Variants in KLHL8 observed in about 807,000 individuals in gnomAD.
KLHL8 encodes the protein kelch like family member 8.
Under a neutral mutation model 63.5 loss-of-function variants are expected in KLHL8, and 38 were observed. That is an observed-to-expected ratio of 0.60 (90% CI 0.46 to 0.78). The LOEUF (loss-of-function observed/expected upper bound fraction) is 0.78, where lower values mean the gene tolerates loss of function less well. Ranked by LOEUF, KLHL8 falls within the 30% of genes least tolerant of loss-of-function variation. KLHL8 has a pLI of 0.00. For missense variants in KLHL8, 566 were observed against 752.4 expected, an observed-to-expected ratio of 0.75 and a Z score of 2.90; for synonymous variants, 224 against 254.3, an observed-to-expected ratio of 0.88 and a Z score of 1.13.
intron 1 of KLHL8, among the ~76,000 whole-genome samples, chr4:87,226,983 T>TATATTATATATAA (rs1560724011): frequency 2.4e-5 from 2 of 82,638 alleles, no homozygotes; most frequent in African/African-American, 9.9e-5. Flanking sequence ...ATAAATAATA[T>TATATTATATATAA]ATAATATATA....
chr4:87,167,556 C>T, intron 8 of KLHL8: 2 of 536,758 alleles, frequency 3.7e-6, no homozygotes, highest in South Asian at 1.4e-5. Context: ...TGTCTTTCTG[C>T]TCTGGGGCTG....
At chr4:87,191,536 GTTTTA>G (rs1731488589) in intron 2 of KLHL8, among the ~76,000 whole-genome samples, 1 of 151,658 alleles carries the variant, frequency 6.6e-6, no homozygotes, top group African/African-American at 2.4e-5. Context: ...CATTCTTACA[GTTTTA>G]TTTTTATTTT....
intron 1 of KLHL8, among the ~76,000 whole-genome samples, chr4:87,209,137 G>C (rs1260341066): frequency 6.6e-6 from 1 of 152,150 alleles, no homozygotes; most frequent in Non-Finnish European, 1.5e-5. Flanking sequence ...TTAGTATCAA[G>C]TAAATATGTA....
intron 8 of KLHL8, among the ~76,000 whole-genome samples, chr4:87,166,002 T>C (rs1433999275): frequency 1.3e-5 from 2 of 152,184 alleles, no homozygotes; most frequent in African/African-American, 4.8e-5. Flanking sequence ...ACAGCAACAA[T>C]GTTATTCCTG....
chr4:87,201,151 A>T (rs1731903992), intron 1 of KLHL8, among the ~76,000 whole-genome samples: 1 of 152,216 alleles, frequency 6.6e-6, no homozygotes, highest in South Asian at 2.1e-4. Context: ...TTCAATGGGT[A>T]TCATTTCAGT....
intron 1 of KLHL8, among the ~76,000 whole-genome samples, chr4:87,215,883 GATC>G (rs1732576206): frequency 1.3e-5 from 2 of 152,086 alleles, no homozygotes; most frequent in Non-Finnish European, 2.9e-5. Flanking sequence ...AAGTCAAAGT[GATC>G]ATCAATTAGG....
At chr4:87,164,657 C>A (rs1265835294) in intron 8 of KLHL8, among the ~76,000 whole-genome samples, 1 of 152,188 alleles carries the variant, frequency 6.6e-6, no homozygotes, top group Admixed American at 6.5e-5. Context: ...AGATAGCAGT[C>A]CTTTCTATAG....
At chr4:87,191,750 AC>A (rs1731498388) in intron 2 of KLHL8, among the ~76,000 whole-genome samples, 1 of 149,378 alleles carries the variant, frequency 6.7e-6, no homozygotes, top group South Asian at 2.2e-4. Context: ...TTCAATTCAT[AC>A]CCCCACCGCC....
chr4:87,199,665 CAA>C (rs113786416), intron 1 of KLHL8, among the ~76,000 whole-genome samples: 3,380 of 144,334 alleles, frequency 0.023, 41 homozygotes, highest in African/African-American at 0.027. Context: ...AAAAAAAAAA[CAA>C]AAAAAAAAAA....
In KLHL8 at chr4:87,170,178, A is replaced by C. The variant is rs762126191; in HGVS notation, c.1438T>G (p.Tyr480Asp). 2.4e-5 allele frequency: 39 copies of C among 1,613,820 alleles called. No homozygotes were observed. Among genetic ancestry groups the C allele is most frequent in the Admixed American group, 6.7e-5 (4 of 60,002 alleles). ...ATCCACTTATCCAGATGTGGATCAT[A>C]TCTCTCCACGCTAGATAAAGAAGCC... ...GMASLSSVER[Y>D]DPHLDKWIEV... Residue 480 changes from tyrosine (Y) to aspartate (D), a missense_variant, in exon 8 of 10, where the codon TAT becomes GAT. Tyr to Asp is a radical substitution (Grantham distance 160). Transcript: ENST00000273963.
chr4:87,199,944 A>G (rs1001492877), intron 1 of KLHL8, among the ~76,000 whole-genome samples: 6 of 152,020 alleles, frequency 3.9e-5, no homozygotes, highest in Non-Finnish European at 7.4e-5. Context: ...CAGGAGTTCG[A>G]GATCAGCCTG....
chr4:87,227,550 T>C (rs1578411306), intron 1 of KLHL8, among the ~76,000 whole-genome samples: 2 of 152,312 alleles, frequency 1.3e-5, no homozygotes, highest in East Asian at 1.9e-4. Context: ...TCTGGGAGGC[T>C]GAGGTGGGAG....
At chr4:87,168,746 G>A (rs538870906) in intron 8 of KLHL8, among the ~76,000 whole-genome samples, 1 of 143,080 alleles carries the variant, frequency 7.0e-6, no homozygotes, top group Non-Finnish European at 1.5e-5. Context: ...GTATATATAC[G>A]TGTATATATG....
chr4:87,182,665 A>G (rs1043277879), intron 4 of KLHL8, among the ~76,000 whole-genome samples: 6 of 152,232 alleles, frequency 3.9e-5, no homozygotes, highest in Non-Finnish European at 8.8e-5. Flanking sequence ...AAGTCTAAAA[A>G]TTGTATCAAA....
chr4:87,208,363 T>C lies in KLHL8; in HGVS notation c.-152+12055A>G, dbSNP rs191479092. ...GTCTAGTGAGTTGTCTTCTTCTTCT[T>C]TTTTTCTTTTTTTTTTTTTTTGAGG... On this transcript the variant is annotated intron_variant, in intron 1 of 9. Transcript: ENST00000273963. 3.2e-3 allele frequency among the ~76,000 whole-genome samples: 487 copies of C among 150,154 alleles called. 5 individuals carry two copies. Among genetic ancestry groups the C allele is most frequent in the African/African-American group, 0.011 (441 of 41,154 alleles).
upstream of KLHL8, among the ~76,000 whole-genome samples, chr4:87,224,961 G>C (rs1184961666): frequency 6.6e-6 from 1 of 151,954 alleles, no homozygotes; most frequent in Non-Finnish European, 1.5e-5. Flanking sequence ...GGGGTGCGGG[G>C]ATGGGGGGAT....
chr4:87,194,686 T>C (rs562802819), intron 2 of KLHL8, among the ~76,000 whole-genome samples: 1 of 152,302 alleles, frequency 6.6e-6, no homozygotes, highest in East Asian at 1.9e-4. Flanking sequence ...AACAAAGGCT[T>C]TTCCATACTG....
chr4:87,207,901 A>G (rs751490816), intron 1 of KLHL8: 3 of 1,457,720 alleles, frequency 2.1e-6, no homozygotes, highest in Non-Finnish European at 1.9e-6. Flanking sequence ...CCTCAAGGGC[A>G]TCCTGGGCTA....
At chr4:87,199,302 C>A (rs898548641) in intron 1 of KLHL8, among the ~76,000 whole-genome samples, 2 of 151,920 alleles carry the variant, frequency 1.3e-5, no homozygotes, top group Non-Finnish European at 2.9e-5. Context: ...GAAGTTGGAC[C>A]CTCACCTTAC....
Sources: gnomAD v4.1 joint callset for allele counts (sites outside exome capture counted in the v4.1 genomes callset) on GRCh38, gnomAD v4.1.1 for gene constraint, MANE v1.5 for transcripts, NCBI Gene and HGNC (gene_info 2026-07-23, HGNC 2026-07-21) for gene names.